The following KDM4C variants were observed in gnomAD, a reference collection of about 807,000 sequenced individuals.
KDM4C encodes lysine-specific demethylase 4C.
Under a neutral mutation model 129.3 loss-of-function variants are expected in KDM4C, and 81 were observed. That is an observed-to-expected ratio of 0.63 (90% CI 0.52 to 0.75). The LOEUF is 0.75. KDM4C is among the 30% of genes least tolerant of loss of function. The pLI is 0.00. For missense variants in KDM4C, 1,457 were observed against 1,304.0 expected, an observed-to-expected ratio of 1.12 and a Z score of -1.81; for synonymous variants, 573 against 456.1, an observed-to-expected ratio of 1.26 and a Z score of -3.26.
At chr9:6,925,467 C>A in intron 8 of KDM4C, 1 of 790,366 alleles carries the variant, frequency 1.3e-6, no homozygotes, top group Non-Finnish European at 1.5e-6. Context: ...CTCTCCTCCC[C>A]TCTTTTCAAA....
At chr9:6,987,052 A>G (rs528812752) in intron 11 of KDM4C, among the ~76,000 whole-genome samples, 3 of 152,308 alleles carry the variant, frequency 2.0e-5, no homozygotes, top group East Asian at 3.9e-4. Flanking sequence ...AGTCACAATC[A>G]TATCGACATT....
chr9:7,039,956 T>C (rs1476462386), intron 15 of KDM4C, among the ~76,000 whole-genome samples: 2 of 152,130 alleles, frequency 1.3e-5, no homozygotes, highest in Non-Finnish European at 2.9e-5. Flanking sequence ...CCACTACTAA[T>C]TTTTGCTGAT....
rs981161369 is a variant in KDM4C at position 6,758,581 on chromosome 9, G to T, written c.-18+378G>T. 6.6e-6 allele frequency among the ~76,000 whole-genome samples: 1 copy of T among 152,214 alleles called. No individual in the cohort carries two copies. Among genetic ancestry groups the T allele is most frequent in the Non-Finnish European group, 1.5e-5 (1 of 68,038 alleles). On this transcript the variant is annotated intron_variant, in intron 1 of 21. Transcript: ENST00000381309. This position sits in a 1 kb window ranked among gnomAD's most constrained non-coding sequence, Gnocchi z 4.6. ...CTGTGGCGGACTCCAGGAAGGCCGG[G>T]CCTGGTGCACCCCTCGGGGCCCTCC...
At chr9:6,799,547 A>AGACCGTGGAAAGGGGAGACAG (rs1187169702) in intron 2 of KDM4C, among the ~76,000 whole-genome samples, 41 of 127,708 alleles carry the variant, frequency 3.2e-4, no homozygotes, top group Non-Finnish European at 6.1e-4. Context: ...CATGAGAGGG[A>AGACCGTGGAAAGGGGAGACAG]GACCGTGGAA....
chr9:6,757,982 G>T lies in KDM4C; in HGVS notation c.-239G>T, dbSNP rs1044250118. ...GCGCCCTCGCGCAGGGAGAGCCGGC[G>T]GTGCGCGCGCCTTCGCCGCTGCCTC... On this transcript the variant is annotated 5_prime_UTR_variant, in exon 1 of 22. Transcript: ENST00000381309. The T allele has an allele frequency of 3.0e-5, 30 of 985,388 alleles. No homozygotes were observed. Among genetic ancestry groups the T allele is most frequent in the Non-Finnish European group, 3.6e-5 (30 of 829,902 alleles). The allele number at this position is 985,388 out of a possible 1,614,324, so 61.0% of individuals were successfully genotyped here.
intron 8 of KDM4C, among the ~76,000 whole-genome samples, chr9:6,944,773 AG>A (rs1447325047): frequency 6.8e-6 from 1 of 146,372 alleles, no homozygotes; most frequent in East Asian, 2.2e-4. Flanking sequence ...TGTTAGGGGA[AG>A]GGTTCAAAGA....
intron 15 of KDM4C, among the ~76,000 whole-genome samples, chr9:7,044,171 G>C (rs557112257): frequency 6.6e-6 from 1 of 152,008 alleles, no homozygotes; most frequent in Non-Finnish European, 1.5e-5. Context: ...AGAAGTACCT[G>C]AGCCAGGGGA....
chr9:7,035,710 C>T (rs564466619), intron 15 of KDM4C, among the ~76,000 whole-genome samples: 1 of 152,154 alleles, frequency 6.6e-6, no homozygotes, highest in Middle Eastern at 3.4e-3. Context: ...ATGTGGATAT[C>T]CAATTTTTCC....
chr9:6,896,302 A>C (rs1469552850), intron 8 of KDM4C, among the ~76,000 whole-genome samples: 4 of 152,142 alleles, frequency 2.6e-5, no homozygotes, highest in Non-Finnish European at 5.9e-5. Context: ...ACTTTTTCAT[A>C]ATGAGGCATT....
At chr9:7,009,277 C>A (rs1822249671) in intron 12 of KDM4C, among the ~76,000 whole-genome samples, 2 of 152,184 alleles carry the variant, frequency 1.3e-5, no homozygotes. Context: ...CTTCACATTT[C>A]TGCCAGCCAC....
chr9:7,103,718 G>T lies in KDM4C; in HGVS notation c.2458G>T (p.Val820Phe), dbSNP rs200574433. 6.3e-5 allele frequency: 101 copies of T among 1,613,796 alleles called. No individual in the cohort carries two copies. Among genetic ancestry groups the T allele is most frequent in the Non-Finnish European group, 2.1e-5 (25 of 1,179,924 alleles). ...CIFCRHRVKR[V>F]SGACIQCSYG... ...CTTCTGCAGACACCGGGTTAAGAGG[G>T]TCTCTGGAGCCTGCATCCAGTGTTC... The change falls in exon 18 of 22, where the codon GTC becomes TTC. Residue 820 changes from valine to phenylalanine, a missense_variant. By Grantham distance (50) the Val-to-Phe change is conservative. Transcript: ENST00000381309.
intron 5 of KDM4C, among the ~76,000 whole-genome samples, chr9:6,857,526 C>T (rs962411666): frequency 6.6e-6 from 1 of 152,132 alleles, no homozygotes; most frequent in African/African-American, 2.4e-5. Context: ...CACTGCTCAG[C>T]ACAGAATTCC....
Position 6,793,146 on chromosome 9 carries a change from G to A in KDM4C, c.144+14G>A, listed in dbSNP as rs568124558. On this transcript the variant is annotated intron_variant, in intron 2 of 21. Transcript: ENST00000381309. Reference sequence around the variant, plus strand: ...GGTCTTGCAAAGGTGATTATCCTTCGATGCTTTAAATGAAAAACAATCACT... The same window carrying A: ...GGTCTTGCAAAGGTGATTATCCTTCAATGCTTTAAATGAAAAACAATCACT... 21 of 1,604,856 alleles carry A rather than the reference G, an allele frequency of 1.3e-5. No homozygotes were observed. The South Asian group carries it at 1.4e-4, about 11-fold the overall frequency.
intron 17 of KDM4C, among the ~76,000 whole-genome samples, chr9:7,093,513 T>A (rs1391200275): frequency 1.3e-5 from 2 of 152,238 alleles, no homozygotes; most frequent in African/African-American, 2.4e-5. Context: ...TGTATTCATG[T>A]AACTTATAAT....
At chr9:7,038,111 A>C (rs568549557) in intron 15 of KDM4C, among the ~76,000 whole-genome samples, 1 of 152,238 alleles carries the variant, frequency 6.6e-6, no homozygotes, top group African/African-American at 2.4e-5. Flanking sequence ...TGCCGTTTTA[A>C]ATTTTCATCT....
intron 2 of KDM4C, among the ~76,000 whole-genome samples, chr9:6,804,586 T>A (rs1829624155): frequency 6.6e-6 from 1 of 151,612 alleles, no homozygotes; most frequent in African/African-American, 2.4e-5. Flanking sequence ...GGTGAAACCC[T>A]GTCTCTACTA....
At chr9:7,049,826 A>T (rs930897691) in intron 17 of KDM4C, among the ~76,000 whole-genome samples, 1 of 152,084 alleles carries the variant, frequency 6.6e-6, no homozygotes, top group Non-Finnish European at 1.5e-5. Flanking sequence ...GTTTTATTCA[A>T]TTATGAGCCA....
At chr9:7,117,593 T>G (rs1203885305) in intron 18 of KDM4C, among the ~76,000 whole-genome samples, 1 of 151,522 alleles carries the variant, frequency 6.6e-6, no homozygotes, top group Admixed American at 6.6e-5. Context: ...CTTCACATTT[T>G]TGTATACATT....
intron 4 of KDM4C, among the ~76,000 whole-genome samples, chr9:6,823,888 C>T (rs1833448792): frequency 3.9e-5 from 6 of 152,196 alleles, no homozygotes. Flanking sequence ...CTCATATGCT[C>T]ACTTACTTTC....
Sources: gnomAD v4.1 joint callset for allele counts (sites outside exome capture counted in the v4.1 genomes callset) on GRCh38, gnomAD v4.1.1 for gene constraint, Gnocchi (gnomAD v3.1) non-coding constraint, MANE v1.5 for transcripts, NCBI Gene and HGNC (gene_info 2026-07-23, HGNC 2026-07-21) for gene names.